Variants in OSBPL5 observed in about 807,000 individuals in gnomAD.
OSBPL5 encodes oxysterol-binding protein-related protein 5.
A neutral mutation model predicts 111.2 loss-of-function variants in OSBPL5; 71 were observed. The observed-to-expected ratio is 0.64, with a 90% confidence interval of 0.53 to 0.78. The LOEUF is 0.78. OSBPL5 is among the 30% of genes least tolerant of loss of function. The pLI is 0.00. For synonymous variants in OSBPL5, 549 were observed against 513.9 expected, an observed-to-expected ratio of 1.07 and a Z score of -0.93; for missense variants, 1,210 against 1,189.3, an observed-to-expected ratio of 1.02 and a Z score of -0.26.
At chr11:3,120,764 G>A (rs1858380770) in intron 5 of OSBPL5, 140 bp from the exon 6 acceptor site, 1 of 850,602 alleles carries the variant, frequency 1.2e-6, no homozygotes, top group Non-Finnish European at 1.8e-6. Flanking sequence ...CCCCACACCA[G>A]TTCGGAACTC....
chr11:3,100,018 CAAAAAA>C, intron 14 of OSBPL5, 134 bp downstream of exon 14: 12 of 451,332 alleles, frequency 2.7e-5, no homozygotes, highest in South Asian at 5.2e-5. Flanking sequence ...AACTCCATCT[CAAAAAA>C]AAAAAAAAAA....
chr11:3,133,294 T>G (rs2134490765), intron 1 of OSBPL5, among the ~76,000 whole-genome samples: 1 of 152,146 alleles, frequency 6.6e-6, no homozygotes, highest in African/African-American at 2.4e-5. Flanking sequence ...GAACCCCCCA[T>G]GAGGGGAGGG....
chr11:3,088,658 C>A (rs1267401150), intron 21 of OSBPL5, among the ~76,000 whole-genome samples: 2 of 152,182 alleles, frequency 1.3e-5, no homozygotes, highest in Non-Finnish European at 2.9e-5. Context: ...CTGCCACCTT[C>A]ATATGTTGGA....
intron 1 of OSBPL5, among the ~76,000 whole-genome samples, chr11:3,133,889 C>T (rs989377684): frequency 2.6e-5 from 4 of 152,246 alleles, no homozygotes; most frequent in South Asian, 2.1e-4. Flanking sequence ...GCCCCAGCCC[C>T]GAGACCCCAA....
chr11:3,129,296 G>T, intron 1 of OSBPL5, 127 bp from the exon 2 acceptor site: 1 of 935,304 alleles, frequency 1.1e-6, no homozygotes, highest in Non-Finnish European at 1.5e-6. Flanking sequence ...GGTGAGGAGG[G>T]CCTGGGCCCT....
In OSBPL5 at chr11:3,105,419, AC is replaced by A. The variant is rs561302933; in HGVS notation, c.1060-1043del. On this transcript the variant is annotated intron_variant, in intron 9 of 21. Transcript: ENST00000263650. The surrounding 1 kb of genome is among the most constrained non-coding windows in gnomAD (Gnocchi z 5.2). ...TGTGGACACCCAGGAGCCATGTCTGACCCCATGAGGGGTCATGGGGAGCCCA... is the reference window on the plus strand; with the variant it reads ...TGTGGACACCCAGGAGCCATGTCTGACCCATGAGGGGTCATGGGGAGCCCA... 7.2e-5 allele frequency among the ~76,000 whole-genome samples: 11 copies of A among 152,074 alleles called. No homozygotes were observed. In the South Asian group the frequency reaches 2.3e-3, roughly 32 times the overall value.
At chr11:3,108,034 C>CT (rs1857774800) in intron 7 of OSBPL5, 89 bp from the exon 8 acceptor site, 1 of 1,502,624 alleles carries the variant, frequency 6.7e-7, no homozygotes, top group African/African-American at 1.4e-5. Flanking sequence ...CCCCCTCACT[C>CT]TGACTCTTCA....
intron 6 of OSBPL5, 87 bp from the exon 7 acceptor site, chr11:3,119,718 A>C: frequency 1.6e-6 from 2 of 1,254,250 alleles, no homozygotes; most frequent in Non-Finnish European, 2.2e-6. Context: ...GCGGATCCAC[A>C]CCTGGGACCA....
rs1857104813 is a variant in OSBPL5, at chr11:3,092,685, C to A, written c.2133-127G>T. 2 of 1,357,654 alleles carry A rather than the reference C, an allele frequency of 1.5e-6. No individual in the cohort carries two copies. The highest frequency in any genetic ancestry group is 2.0e-6 in the Non-Finnish European group (2 of 1,015,404). 84.1% of individuals were successfully genotyped at this position (1,357,654 alleles called of 1,614,324 possible). A position where few individuals can be genotyped will look rare whatever the true frequency, so the allele number is the denominator to read the frequency against. ...CAGGAGAATGACCACTGCCCACACC[C>A]CATGGGCAGGGCCTGCAGTAAGGAC... On this transcript the variant is annotated intron_variant, in intron 18 of 21. Transcript: ENST00000263650. The surrounding 1 kb of genome is among the most constrained non-coding windows in gnomAD (Gnocchi z 5.4).
intron 13 of OSBPL5, among the ~76,000 whole-genome samples, chr11:3,100,986 T>C (rs1003241280): frequency 6.7e-6 from 1 of 149,066 alleles, no homozygotes; most frequent in Non-Finnish European, 1.5e-5. Flanking sequence ...TTTTTTTTTT[T>C]TTTTTTGAGA....
chr11:3,093,257 GCCT>G, intron 17 of OSBPL5: 1 of 735,258 alleles, frequency 1.4e-6, no homozygotes, highest in Non-Finnish European at 2.2e-6. Flanking sequence ...CCCATCTCCC[GCCT>G]GCAGGGACCT....
chr11:3,127,223 G>A (rs1452900077), intron 2 of OSBPL5, among the ~76,000 whole-genome samples: 7 of 152,242 alleles, frequency 4.6e-5, no homozygotes, highest in Admixed American at 3.9e-4. Flanking sequence ...GGCCGCTCCC[G>A]CTGCTTCCTG....
Position 3,088,274 on chromosome 11 carries a change from G to C in OSBPL5, c.2571C>G (p.Ser857Arg). 1 of 1,608,688 alleles carries C rather than the reference G, an allele frequency of 6.2e-7. No homozygotes were observed. The highest frequency in any genetic ancestry group is 1.3e-5 in the African/African-American group (1 of 74,916). ...CGCAGAGCAGGAACCAGGATCGGGG[G>C]CTCTGCAGGAGGCCTGGGGTCGGTG... ...AQAPTPGLLQ[S>R]PRSWFLLCVF... is the part of the protein sequence containing the mutation. The change falls in exon 22 of 22, where the codon AGC becomes AGG. Residue 857 changes from serine to arginine, a missense_variant. Coordinates refer to ENST00000263650, the MANE Select transcript of OSBPL5 (RefSeq NM_020896.4).
chr11:3,164,124 G>A (rs897510566), intron 1 of OSBPL5: 4 of 152,274 alleles, frequency 2.6e-5, no homozygotes, highest in Admixed American at 6.5e-5. Flanking sequence ...ACTTCTCCAG[G>A]CTTTGGGAGG....
At chr11:3,124,624 C>G (rs1268745864) in intron 3 of OSBPL5, among the ~76,000 whole-genome samples, 2 of 152,190 alleles carry the variant, frequency 1.3e-5, no homozygotes. Flanking sequence ...CATATCCCTG[C>G]TGGCACAGGT....
chr11:3,107,686 G>GAGCA lies in OSBPL5; in HGVS notation c.866+84_866+85insTGCT, dbSNP rs1464879190. 7.2e-5 allele frequency: 110 copies of GAGCA among 1,536,522 alleles called. No individual in the cohort carries two copies. Among genetic ancestry groups the GAGCA allele is most frequent in the Non-Finnish European group, 9.3e-5 (105 of 1,130,972 alleles). On this transcript the variant is annotated intron_variant, in intron 8 of 21. Coordinates refer to ENST00000263650, the MANE Select transcript of OSBPL5 (RefSeq NM_020896.4). The surrounding 1 kb of genome is among the most constrained non-coding windows in gnomAD (Gnocchi z 6.1). ...GCAGCCTGCAGCCCACCAGAGCAGT[G>GAGCA]GCTGGGGCTGTCCTCTCCCCTCTTC... is the stretch of plus-strand genomic sequence containing the variant.
Position 3,092,701 on chromosome 11 carries a change from C to A in OSBPL5, c.2133-143G>T. The A allele has an allele frequency of 7.4e-7, 1 of 1,348,160 alleles. No homozygotes were observed. The highest frequency in any genetic ancestry group is 9.9e-7 in the Non-Finnish European group (1 of 1,008,428). 83.5% of individuals were successfully genotyped at this position (1,348,160 alleles called of 1,614,324 possible). ...GCCCACACCCCATGGGCAGGGCCTG[C>A]AGTAAGGACTGATGATGGGGGGTGT... On this transcript the variant is annotated intron_variant, in intron 18 of 21. Coordinates refer to ENST00000263650, the MANE Select transcript of OSBPL5 (RefSeq NM_020896.4). The surrounding 1 kb of genome is among the most constrained non-coding windows in gnomAD (Gnocchi z 5.4).
At chr11:3,123,466 G>A (rs1002073198) in intron 3 of OSBPL5, among the ~76,000 whole-genome samples, 1 of 152,274 alleles carries the variant, frequency 6.6e-6, no homozygotes, top group Non-Finnish European at 1.5e-5. Context: ...GGCAGGCGTT[G>A]TCTGTGGCTG....
At chr11:3,153,241 A>G (rs1201610111) in intron 1 of OSBPL5, among the ~76,000 whole-genome samples, 1 of 152,122 alleles carries the variant, frequency 6.6e-6, no homozygotes, top group African/African-American at 2.4e-5. Context: ...GGGTTGTTTC[A>G]AGGGTTAAAG....
Sources: allele counts gnomAD v4.1 joint callset (sites outside exome capture counted in the v4.1 genomes callset), GRCh38; gene constraint gnomAD v4.1.1; non-coding constraint Gnocchi (gnomAD v3.1); transcripts MANE v1.5; gene names NCBI Gene and HGNC (gene_info 2026-07-23, HGNC 2026-07-21).